Variants in SEC14L1 observed in about 807,000 individuals in gnomAD.
SEC14L1 encodes SEC14 like lipid binding 1.
A neutral mutation model predicts 85.3 loss-of-function variants in SEC14L1; 48 were observed. That is an observed-to-expected ratio of 0.56 (90% confidence interval 0.45 to 0.72). The LOEUF (loss-of-function observed/expected upper bound fraction) is 0.72. Ranked by LOEUF, SEC14L1 falls within the 30% of genes least tolerant of loss-of-function variation. The pLI is 0.00. For synonymous variants in SEC14L1, 391 were observed against 355.5 expected (o/e 1.10, Z -1.12); for missense variants, 682 against 921.4 (o/e 0.74, Z 3.36).
rs35413326 is a variant in SEC14L1 at position 77,114,836 on chromosome 17, C to CA, written c.-136+21511dup. On this transcript the variant is annotated intron_variant, in intron 3 of 19. Transcript: ENST00000392476. ...GGCGACAAGAGCAAAACTTCATCTC[C>CA]AAAAAAAAAAAAAAAAAAAAAAGGA... Among the ~76,000 whole-genome samples, 556 of 66,712 alleles carry CA rather than the reference C, an allele frequency of 8.3e-3. 4 individuals are homozygous for CA. The highest frequency in any genetic ancestry group is 0.024 in the African/African-American group (372 of 15,590). The allele number at this position is 66,712 out of a possible 152,430, so 43.8% of individuals were successfully genotyped here.
At position 77,212,196 on chromosome 17, in the gene SEC14L1, G is replaced by A. The variant is rs760430269; in HGVS notation, c.1858G>A (p.Val620Met). 7 of 1,613,328 alleles carry A rather than the reference G, an allele frequency of 4.3e-6. No homozygotes were observed. The highest frequency in any genetic ancestry group is 2.7e-5 in the African/African-American group (2 of 75,028). The stretch of plus-strand genomic sequence containing the variant: ...TCTGATCTGCAAAGAAGGAGAAAGC[G>A]TGCAGGTAAAATCACACACAGGTCA... ...SPLICKEGES[V>M]QGSHVTRWPG... Residue 620 changes from valine (V) to methionine (M), a missense_variant, in exon 15 of 17, where the codon GTG becomes ATG. Transcript: ENST00000436233.
intron 11 of SEC14L1, 88 bp downstream of exon 11, chr17:77,205,434 A>G (rs1160213111): frequency 3.4e-6 from 4 of 1,191,918 alleles, no homozygotes; most frequent in Non-Finnish European, 3.7e-6. Flanking sequence ...AAATCTACTT[A>G]TTATTTTCCA....
chr17:77,107,596 G>A (rs956398479), intron 3 of SEC14L1, among the ~76,000 whole-genome samples: 2 of 149,414 alleles, frequency 1.3e-5, no homozygotes, highest in East Asian at 1.9e-4. Context: ...ACAGGAGTCC[G>A]TAGACCAGGT....
chr17:77,209,489 C>T lies in SEC14L1; in HGVS notation c.1611+13C>T, dbSNP rs1445979320. 1.2e-6 allele frequency: 2 copies of T among 1,612,330 alleles called. No individual in the cohort carries two copies. Among genetic ancestry groups the T allele is most frequent in the East Asian group, 4.5e-5 (2 of 44,862 alleles). On this transcript the variant is annotated intron_variant, in intron 14 of 16. Coordinates refer to ENST00000436233, the MANE Select transcript of SEC14L1 (RefSeq NM_001143998.2). ...AGCCCCACATGAGGTACGTCCTCCG[C>T]CTTCCTGCACCTGGGCCGGCCCTTC...
chr17:77,193,362 A>C, intron 5 of SEC14L1, 59 bp from the exon 6 acceptor site: 2 of 1,500,214 alleles, frequency 1.3e-6, no homozygotes, highest in Non-Finnish European at 1.8e-6. Context: ...ACTGAGGAGC[A>C]GGCAGATGAT....
At chr17:77,202,679 G>A (rs1319603977) in intron 9 of SEC14L1, among the ~76,000 whole-genome samples, 1 of 152,134 alleles carries the variant, frequency 6.6e-6, no homozygotes, top group East Asian at 1.9e-4. Flanking sequence ...TAGAAGTTTG[G>A]GAGGCGGAGG....
chr17:77,172,152 G>A (rs1332742289), intron 3 of SEC14L1, among the ~76,000 whole-genome samples: 1 of 152,044 alleles, frequency 6.6e-6, no homozygotes, highest in Non-Finnish European at 1.5e-5. Context: ...AACAAACTGA[G>A]GAGCGAGCAG....
At chr17:77,156,574 TAAA>T (rs574920988) in intron 3 of SEC14L1, among the ~76,000 whole-genome samples, 1 of 136,566 alleles carries the variant, frequency 7.3e-6, no homozygotes, top group Admixed American at 7.4e-5. Context: ...GACTCCGTCT[TAAA>T]AAAAAAAAAA....
rs773879660 is a variant in SEC14L1 at position 77,206,451 on chromosome 17, A to G, written c.1341+51A>G. On this transcript the variant is annotated intron_variant, in intron 12 of 16. Coordinates refer to ENST00000436233, the MANE Select transcript of SEC14L1 (RefSeq NM_001143998.2). The surrounding 1 kb of genome is among the most constrained non-coding windows in gnomAD (Gnocchi z 4.3). ...ACTGTGAGCCATTTGGAAAGCAGAT[A>G]ACATGCATTCATATACACGTGTCTG... The G allele has an allele frequency of 6.3e-7, 1 of 1,581,518 alleles. No homozygotes were observed. Among genetic ancestry groups the G allele is most frequent in the Non-Finnish European group, 8.7e-7 (1 of 1,155,472 alleles).
intron 3 of SEC14L1, among the ~76,000 whole-genome samples, chr17:77,147,186 G>A (rs1335622260): frequency 6.6e-6 from 1 of 152,188 alleles, no homozygotes; most frequent in African/African-American, 2.4e-5. Context: ...GGGAGAAAAC[G>A]CCTCACTCAA....
At chr17:77,133,770 C>G (rs1333918516) in intron 3 of SEC14L1, among the ~76,000 whole-genome samples, 1 of 151,870 alleles carries the variant, frequency 6.6e-6, no homozygotes, top group Non-Finnish European at 1.5e-5. Flanking sequence ...GAAACCCCGT[C>G]TCTACTAAAA....
chr17:77,215,257 T>G lies in SEC14L1; in HGVS notation c.*1234T>G. The G allele has an allele frequency of 3.0e-6, 3 of 985,426 alleles. No homozygotes were observed. The highest frequency in any genetic ancestry group is 3.6e-6 in the Non-Finnish European group (3 of 829,926). 61.0% of individuals were successfully genotyped at this position (985,426 alleles called of 1,614,324 possible). On this transcript the variant is annotated 3_prime_UTR_variant, in exon 17 of 17. Coordinates refer to ENST00000436233, the MANE Select transcript of SEC14L1 (RefSeq NM_001143998.2). Reference sequence around the variant, plus strand: ...AGCCTGCTCTATCTGGTACAGGCCCTTATTTTTTCAGCTTTTTATGGGAAA... The same window carrying G: ...AGCCTGCTCTATCTGGTACAGGCCCGTATTTTTTCAGCTTTTTATGGGAAA...
chr17:77,108,874 C>G (rs1971985935), intron 3 of SEC14L1, among the ~76,000 whole-genome samples: 1 of 148,652 alleles, frequency 6.7e-6, no homozygotes, highest in Non-Finnish European at 1.5e-5. Flanking sequence ...CCAGGCTGAA[C>G]TGCAGTGGCT....
chr17:77,141,351 C>CCCACCT (rs1973030813), intron 1 of SEC14L1: 3 of 141,262 alleles, frequency 2.1e-5, no homozygotes, highest in African/African-American at 5.3e-5. Context: ...CGCCCCCACC[C>CCCACCT]CCACCTCGCC....
chr17:77,089,005 A>C (rs1233329593), intron 1 of SEC14L1: 1 of 161,226 alleles, frequency 6.2e-6, no homozygotes, highest in East Asian at 1.9e-4. Context: ...CAGCCACCGA[A>C]ATTGGAATGA....
At chr17:77,211,795 T>A (rs1482295325) in intron 14 of SEC14L1, 155 bp from the exon 15 acceptor site, 48 of 926,718 alleles carry the variant, frequency 5.2e-5, no homozygotes, top group Non-Finnish European at 4.9e-6. Flanking sequence ...TGGTGGTGTG[T>A]GACTCTGGGG....
chr17:77,192,589 C>T (rs1461042798), intron 5 of SEC14L1, among the ~76,000 whole-genome samples: 2 of 152,084 alleles, frequency 1.3e-5, no homozygotes, highest in African/African-American at 4.8e-5. Context: ...CCTCCCATCT[C>T]GGCTCAGGTC....
intron 3 of SEC14L1, among the ~76,000 whole-genome samples, chr17:77,116,968 C>T (rs1397083712): frequency 6.6e-6 from 1 of 152,196 alleles, no homozygotes; most frequent in Non-Finnish European, 1.5e-5. Context: ...TAAGCATCCT[C>T]TTCATTTGCT....
intron 3 of SEC14L1, among the ~76,000 whole-genome samples, chr17:77,173,526 G>A (rs1306742990): frequency 6.6e-6 from 1 of 152,044 alleles, no homozygotes; most frequent in African/African-American, 2.4e-5. Context: ...GCTTTGAGGG[G>A]GTAGAGGTGG....
Sources: allele counts gnomAD v4.1 joint callset (sites outside exome capture counted in the v4.1 genomes callset), GRCh38; gene constraint gnomAD v4.1.1; non-coding constraint Gnocchi (gnomAD v3.1); transcripts MANE v1.5; gene names NCBI Gene and HGNC (gene_info 2026-07-23, HGNC 2026-07-21).